CAGE1: variants seen among roughly 807,000 people sequenced by gnomAD.
CAGE1 encodes cancer antigen 1.
A neutral mutation model predicts 94.9 loss-of-function variants in CAGE1; 66 were observed. The ratio of observed to expected loss-of-function variants is 0.70; its 90% confidence interval spans 0.57 to 0.85. The LOEUF (loss-of-function observed/expected upper bound fraction) is 0.85. CAGE1 is among the 40% of genes least tolerant of loss of function. CAGE1 has a pLI of 0.00. For synonymous variants in CAGE1, 319 were observed against 321.0 expected (o/e 0.99, Z 0.07); for missense variants, 865 against 950.4 (o/e 0.91, Z 1.18).
At chr6:7,357,246 A>C (rs1018291944) in intron 9 of CAGE1, among the ~76,000 whole-genome samples, 1 of 152,212 alleles carries the variant, frequency 6.6e-6, no homozygotes, top group African/African-American at 2.4e-5. Context: ...CACTTCTCTA[A>C]CAACATATAT....
chr6:7,388,904 CTTGT>C (rs1761233565), intron 1 of CAGE1, among the ~76,000 whole-genome samples: 1 of 152,180 alleles, frequency 6.6e-6, no homozygotes, highest in African/African-American at 2.4e-5. Flanking sequence ...TCTTAGTTTT[CTTGT>C]TTGTGAACCC....
chr6:7,379,128 A>C (rs1456841305), intron 3 of CAGE1, 108 bp from the exon 4 acceptor site: 1 of 688,846 alleles, frequency 1.5e-6, no homozygotes, highest in African/African-American at 1.8e-5. Context: ...CTTAAAAATT[A>C]TATATTATTT....
At chr6:7,367,389 C>T (rs543260925) in intron 7 of CAGE1, among the ~76,000 whole-genome samples, 1 of 150,838 alleles carries the variant, frequency 6.6e-6, no homozygotes, top group Non-Finnish European at 1.5e-5. Context: ...GATCCTCGCA[C>T]CTCAGCCTCC....
Position 7,341,097 on chromosome 6 carries a change from T to C in CAGE1, c.2370-7007A>G, listed in dbSNP as rs137898663. 783 of 539,812 alleles carry C rather than the reference T, an allele frequency of 1.5e-3. 1 individual carries two copies. Among genetic ancestry groups the C allele is most frequent in the African/African-American group, 0.012 (632 of 52,346 alleles). 33.4% of individuals were successfully genotyped at this position (539,812 alleles called of 1,614,324 possible). ...TGCAGCTGTGAAAGGGGATCTCCAATGCCTTTAGCTTGGCAGTGATGTACT... is the reference window on the plus strand; with the variant it reads ...TGCAGCTGTGAAAGGGGATCTCCAACGCCTTTAGCTTGGCAGTGATGTACT... On this transcript the variant is annotated intron_variant, in intron 11 of 13. Transcript: ENST00000502583.
At chr6:7,332,585 T>C (rs1033005364) in intron 12 of CAGE1, among the ~76,000 whole-genome samples, 1 of 152,332 alleles carries the variant, frequency 6.6e-6, no homozygotes, top group African/African-American at 2.4e-5. Context: ...TAGGCATGAA[T>C]GAATCACCAG....
At chr6:7,353,210 C>T (rs1257800894) in intron 11 of CAGE1, among the ~76,000 whole-genome samples, 2 of 151,974 alleles carry the variant, frequency 1.3e-5, no homozygotes, top group Non-Finnish European at 2.9e-5. Context: ...AAAATAATCC[C>T]ATCAAAAAGT....
At chr6:7,371,909 C>G (rs566586736) in intron 5 of CAGE1, among the ~76,000 whole-genome samples, 60 of 152,310 alleles carry the variant, frequency 3.9e-4, no homozygotes, top group African/African-American at 1.3e-3. Flanking sequence ...GGCAGGCCTA[C>G]ACAACTGAAA....
At chr6:7,373,016 T>C (rs11243160) in intron 5 of CAGE1, 57 bp downstream of exon 5, 497,645 of 1,248,300 alleles carry the variant, frequency 0.4, 101,091 homozygotes, top group African/African-American at 0.58. Context: ...TACGCATCAC[T>C]AGACCACTAG....
intron 11 of CAGE1, among the ~76,000 whole-genome samples, chr6:7,336,410 G>C (rs1758954067): frequency 6.6e-6 from 1 of 152,178 alleles, no homozygotes; most frequent in African/African-American, 2.4e-5. Context: ...CCTCCGTAGA[G>C]GCCATGGGAG....
At chr6:7,329,754 G>A (rs187651793) in intron 13 of CAGE1, 95 bp downstream of exon 13, 1 of 666,660 alleles carries the variant, frequency 1.5e-6, no homozygotes, top group Non-Finnish European at 2.7e-6. Flanking sequence ...GCACAGTATG[G>A]AAATGTGACT....
In CAGE1 at chr6:7,339,052, G is replaced by A. The variant is rs893261411; in HGVS notation, c.2370-4962C>T. ...ACACTCTGTCTGAGCAACACATGGC[G>A]CACAGCAGTGTCAACGTAGTAGTTA... On this transcript the variant is annotated intron_variant, in intron 11 of 13. Coordinates refer to ENST00000502583, the MANE Select transcript of CAGE1 (RefSeq NM_001170692.2). The surrounding 1 kb of genome is among the most constrained non-coding windows in gnomAD (Gnocchi z 4.7). 51 of 1,603,870 alleles carry A rather than the reference G, an allele frequency of 3.2e-5. No individual in the cohort carries two copies. In the East Asian group the frequency reaches 3.3e-4, roughly 11 times the overall value.
At chr6:7,374,244 C>T (rs911520542) in intron 4 of CAGE1, 113 bp from the exon 5 acceptor site, 25 of 790,600 alleles carry the variant, frequency 3.2e-5, no homozygotes, top group Non-Finnish European at 4.2e-5. Flanking sequence ...TGGCTTTCTC[C>T]GCTATAAAGT....
chr6:7,385,431 G>A (rs1465662813), intron 3 of CAGE1, among the ~76,000 whole-genome samples: 2 of 151,988 alleles, frequency 1.3e-5, no homozygotes, highest in Non-Finnish European at 2.9e-5. Context: ...GCCTTCCAAA[G>A]CACTGGTATT....
At position 7,365,896 on chromosome 6, in the gene CAGE1, A is replaced by G. The variant is rs780098379; in HGVS notation, c.2005-12T>C. 3.9e-5 allele frequency: 54 copies of G among 1,393,060 alleles called. 1 individual carries two copies. In the South Asian group the frequency reaches 7.1e-4, roughly 18 times the overall value. The allele number at this position is 1,393,060 out of a possible 1,614,324, so 86.3% of individuals were successfully genotyped here. A position where few individuals can be genotyped will look rare whatever the true frequency, so the allele number is the denominator to read the frequency against. ...TTATGTTTCAGTAGCTAAGAAAAGG[A>G]AAACATTCTGTATTTTAGAGAGAAA... On this transcript the variant is annotated splice_polypyrimidine_tract_variant and intron_variant, in intron 7 of 13. Coordinates refer to ENST00000502583, the MANE Select transcript of CAGE1 (RefSeq NM_001170692.2).
At chr6:7,347,506 G>T (rs1240760210) in intron 11 of CAGE1, 4 of 132,534 alleles carry the variant, frequency 3.0e-5, no homozygotes, top group Non-Finnish European at 4.8e-5. Flanking sequence ...GCGAGGGTGG[G>T]GGGGGGGGTT....
intron 13 of CAGE1, chr6:7,329,281 A>G (rs963319319): frequency 1.0e-5 from 4 of 384,754 alleles, no homozygotes; most frequent in Non-Finnish European, 9.2e-6. Context: ...AAAGAAAAGA[A>G]AAAAAAATCG....
chr6:7,378,777 T>A lies in CAGE1; in HGVS notation c.527A>T (p.Asp176Val), dbSNP rs1760840290. 6.2e-7 allele frequency: 1 copy of A among 1,613,846 alleles called. No individual in the cohort carries two copies. Among genetic ancestry groups the A allele is most frequent in the South Asian group, 1.1e-5 (1 of 91,088 alleles). The stretch of plus-strand genomic sequence containing the variant: ...TCTAAAATACTCGTTACCAAGTTGG[T>A]CTGTATTTGCAGAAACACTAGTTTC... ...PMETSVSANT[D>V]QLGNEYFRQP... Residue 176 changes from aspartate (D) to valine (V), a missense_variant, in exon 4 of 14, where the codon GAC becomes GTC. Physicochemically the swap from Asp to Val is radical, Grantham distance 152 (BLOSUM62 -3). Transcript: ENST00000502583.
At chr6:7,333,727 G>A (rs1758851010) in intron 12 of CAGE1, among the ~76,000 whole-genome samples, 1 of 148,620 alleles carries the variant, frequency 6.7e-6, no homozygotes, top group African/African-American at 2.5e-5. Context: ...GGAGTGCAGT[G>A]GCACGATCTC....
rs1581706555 is a variant in CAGE1, at chr6:7,389,386, A to C, written c.-208T>G. 1 of 453,674 alleles carries C rather than the reference A, an allele frequency of 2.2e-6. No individual in the cohort carries two copies. The highest frequency in any genetic ancestry group is 7.0e-5 in the East Asian group (1 of 14,354). 28.1% of individuals were successfully genotyped at this position (453,674 alleles called of 1,614,324 possible). A position where few individuals can be genotyped will look rare whatever the true frequency, so the allele number is the denominator to read the frequency against. On this transcript the variant is annotated 5_prime_UTR_variant, in exon 1 of 14. Coordinates refer to ENST00000502583, the MANE Select transcript of CAGE1 (RefSeq NM_001170692.2). ...GAACGCTTTCCAACCTCCTCCACCA[A>C]GGACTCTCACAAACTCGCAATCGGG...
Sources: allele counts gnomAD v4.1 joint callset (sites outside exome capture counted in the v4.1 genomes callset), GRCh38; gene constraint gnomAD v4.1.1; non-coding constraint Gnocchi (gnomAD v3.1); transcripts MANE v1.5; gene names NCBI Gene and HGNC (gene_info 2026-07-23, HGNC 2026-07-21).